SCARB2: variants seen among roughly 807,000 people sequenced by gnomAD.
SCARB2 encodes scavenger receptor class B member 2.
SCARB2 carries 29 observed loss-of-function variants against 58.6 expected under a neutral mutation model. The ratio of observed to expected loss-of-function variants is 0.49; its 90% CI spans 0.37 to 0.67. SCARB2 has a LOEUF of 0.67. Among genes scored for constraint, SCARB2 ranks in the 30% least tolerant of loss-of-function variants. The probability of loss-of-function intolerance (pLI) is 0.00; values close to 1 mark genes in which losing one functional copy is unlikely to be tolerated. For missense variants in SCARB2, 488 were observed against 578.5 expected, an observed-to-expected ratio of 0.84 and a Z score of 1.60; for synonymous variants, 195 against 210.1, an observed-to-expected ratio of 0.93 and a Z score of 0.62.
chr4:76,211,888 T>C (rs1015513364), intron 1 of SCARB2, among the ~76,000 whole-genome samples: 1 of 152,190 alleles, frequency 6.6e-6, no homozygotes, highest in Non-Finnish European at 1.5e-5. Flanking sequence ...CCCTGTACTA[T>C]TACTTATCAG....
At chr4:76,170,127 C>T in intron 7 of SCARB2, 142 bp from the exon 8 acceptor site, 1 of 691,768 alleles carries the variant, frequency 1.4e-6, no homozygotes, top group Non-Finnish European at 2.6e-6. Context: ...GGCTAAAACA[C>T]CATCCTTTAC....
At chr4:76,192,175 A>C (rs1732619707) in intron 2 of SCARB2, 2 of 152,392 alleles carry the variant, frequency 1.3e-5, no homozygotes, top group South Asian at 4.1e-4. Context: ...AGCAGCTTTG[A>C]AACTGGGTAA....
rs537562228 is a variant in SCARB2, at chr4:76,213,553, C to G, written c.-10G>C. ...AGCAGCATCGGCCCATTCTGTGCGC[C>G]GCTCACGGGCCGGGCCGGGCCGCAC... On this transcript the variant is annotated 5_prime_UTR_variant, in exon 1 of 12. Coordinates refer to ENST00000264896, the MANE Select transcript of SCARB2 (RefSeq NM_005506.4). The G allele has an allele frequency of 1.3e-6, 2 of 1,599,508 alleles. No individual in the cohort carries two copies. The highest frequency in any genetic ancestry group is 1.3e-5 in the African/African-American group (1 of 74,696).
chr4:76,227,031 C>T (rs11531413), intron 1 of SCARB2, among the ~76,000 whole-genome samples: 22,739 of 151,444 alleles, frequency 0.15, 2,030 homozygotes, highest in East Asian at 0.35. Flanking sequence ...TCATCTAGTT[C>T]CGCCCTGACC....
intron 1 of SCARB2, among the ~76,000 whole-genome samples, chr4:76,202,838 T>C (rs1286314020): frequency 1.3e-5 from 2 of 152,170 alleles, no homozygotes; most frequent in African/African-American, 4.8e-5. Context: ...TTGAAACTGT[T>C]ATTTTAATGT....
intron 4 of SCARB2, 116 bp from the exon 5 acceptor site, chr4:76,176,644 T>G: frequency 1.4e-6 from 1 of 716,802 alleles, no homozygotes; most frequent in South Asian, 1.6e-5. Context: ...GTGGTGAAGG[T>G]ATTTTGTAGG....
At position 76,206,785 on chromosome 4, in the gene SCARB2, G is replaced by C. The variant is rs565951178; in HGVS notation, c.117+6642C>G. ...GGAATTACTGAGTAATTCAATTATG[G>C]AGATATGAATGCTCTTGTCTACTTT... On this transcript the variant is annotated intron_variant, in intron 1 of 11. Coordinates refer to ENST00000264896, the MANE Select transcript of SCARB2 (RefSeq NM_005506.4). Among the ~76,000 whole-genome samples the C allele has an allele frequency of 5.9e-5, 9 of 151,822 alleles. No homozygotes were observed. The South Asian group carries it at 1.9e-3, about 32-fold the overall frequency.
chr4:76,213,302 G>C (rs1353415577), intron 1 of SCARB2, 125 bp downstream of exon 1: 3 of 739,048 alleles, frequency 4.1e-6, no homozygotes, highest in East Asian at 5.4e-5. Context: ...AGACAGGGAC[G>C]CAAGAAGAGC....
chr4:76,169,344 G>A (rs1186172137), intron 8 of SCARB2, among the ~76,000 whole-genome samples: 6 of 113,906 alleles, frequency 5.3e-5, no homozygotes, highest in African/African-American at 2.5e-4. Flanking sequence ...ACACACACGT[G>A]TGTATGTCTC....
chr4:76,221,802 G>A (rs1578749311), intron 1 of SCARB2, among the ~76,000 whole-genome samples: 1 of 152,176 alleles, frequency 6.6e-6, no homozygotes, highest in East Asian at 1.9e-4. Context: ...TACCTATTGG[G>A]TATCATGCTC....
At chr4:76,234,525 C>T (rs1283789807) in exon 1 of SCARB2, 1 of 152,178 alleles carries the variant, frequency 6.6e-6, no homozygotes, top group Non-Finnish European at 1.5e-5. Context: ...CGGTTGGAAT[C>T]CTAGGTTCCA....
intron 2 of SCARB2, chr4:76,184,812 A>C: frequency 2.7e-6 from 1 of 365,852 alleles, no homozygotes; most frequent in East Asian, 9.4e-5. Context: ...TTAATTTAAA[A>C]ACAAGAAAAC....
upstream of SCARB2, chr4:76,217,654 A>G: frequency 1.5e-6 from 1 of 654,054 alleles, no homozygotes. Context: ...CAGAACCATG[A>G]GCCAAATAAA....
intron 1 of SCARB2, among the ~76,000 whole-genome samples, chr4:76,211,487 A>C (rs1414359923): frequency 6.6e-6 from 1 of 152,268 alleles, no homozygotes; most frequent in Non-Finnish European, 1.5e-5. Context: ...TCACCTATTA[A>C]GCACTAACTA....
chr4:76,179,403 A>G, intron 4 of SCARB2, 114 bp downstream of exon 4: 1 of 813,560 alleles, frequency 1.2e-6, no homozygotes, highest in African/African-American at 1.7e-5. Flanking sequence ...CACACTCTAT[A>G]AGATAACTTA....
chr4:76,164,944 C>A (rs1731971496), intron 10 of SCARB2: 1 of 151,998 alleles, frequency 6.6e-6, no homozygotes. Flanking sequence ...TCCAGACTTC[C>A]AGGTCTAATA....
chr4:76,170,590 T>C (rs903956898), intron 7 of SCARB2, among the ~76,000 whole-genome samples: 4 of 152,182 alleles, frequency 2.6e-5, no homozygotes, highest in African/African-American at 9.7e-5. Context: ...TAATCTCAGC[T>C]CACTGCAGCC....
intron 7 of SCARB2, among the ~76,000 whole-genome samples, chr4:76,170,685 T>A (rs1305999413): frequency 6.6e-6 from 1 of 151,704 alleles, no homozygotes; most frequent in Non-Finnish European, 1.5e-5. Context: ...ACCCGGATAA[T>A]TTTTTTGTAT....
At chr4:76,197,431 A>G (rs1317038142) in intron 1 of SCARB2, among the ~76,000 whole-genome samples, 1 of 152,244 alleles carries the variant, frequency 6.6e-6, no homozygotes, top group Non-Finnish European at 1.5e-5. Context: ...CCTTCAGCCT[A>G]GGTTCTAAAA....
Sources: allele counts gnomAD v4.1 joint callset (sites outside exome capture counted in the v4.1 genomes callset), GRCh38; gene constraint gnomAD v4.1.1; transcripts MANE v1.5; gene names NCBI Gene and HGNC (gene_info 2026-07-23, HGNC 2026-07-21).